COL11A1: variants seen among roughly 807,000 people sequenced by gnomAD.
COL11A1 encodes collagen alpha-1(XI) chain.
COL11A1 carries 74 observed loss-of-function variants against 265.2 expected under a neutral mutation model. The observed-to-expected ratio is 0.28, with a 90% CI of 0.23 to 0.34. COL11A1 has a LOEUF of 0.34. COL11A1 is among the 10% of genes least tolerant of loss of function. The pLI is 1.00. For missense variants in COL11A1, 2,165 were observed against 2,263.6 expected (o/e 0.96, Z 0.88); for synonymous variants, 816 against 727.6 (o/e 1.12, Z -1.96).
At chr1:103,072,489 C>T (rs1327296563) in intron 4 of COL11A1, among the ~76,000 whole-genome samples, 2 of 151,798 alleles carry the variant, frequency 1.3e-5, no homozygotes, top group Non-Finnish European at 2.9e-5. Context: ...AGTACAATTT[C>T]TATCTCCTGT....
chr1:102,996,446 T>C lies in COL11A1; in HGVS notation c.2242-404A>G, dbSNP rs571541591. On this transcript the variant is annotated intron_variant, in intron 26 of 66. Coordinates refer to ENST00000370096, the MANE Select transcript of COL11A1 (RefSeq NM_001854.4). ...TAATTTCAAATAGAAAATTATAAAT[T>C]AGTAGCATTCACTTCATCAAGAATA... is the stretch of plus-strand genomic sequence containing the variant. 2.3e-3 allele frequency among the ~76,000 whole-genome samples: 351 copies of C among 151,914 alleles called. 7 individuals carry two copies. Among genetic ancestry groups the C allele is most frequent in the Non-Finnish European group, 8.8e-5 (6 of 67,858 alleles).
chr1:103,062,985 A>G (rs1218185125), intron 4 of COL11A1, among the ~76,000 whole-genome samples: 4 of 152,022 alleles, frequency 2.6e-5, no homozygotes, highest in African/African-American at 9.7e-5. Flanking sequence ...GCACTCAAAA[A>G]AGAAATACAT....
At chr1:102,962,894 C>T in intron 38 of COL11A1, 134 bp from the exon 39 acceptor site, 1 of 776,342 alleles carries the variant, frequency 1.3e-6, no homozygotes, top group Non-Finnish European at 2.2e-6. Context: ...CTACAAAACA[C>T]TTCACATAAA....
intron 4 of COL11A1, among the ~76,000 whole-genome samples, chr1:103,038,475 A>T (rs563981287): frequency 6.6e-6 from 1 of 152,074 alleles, no homozygotes; most frequent in Non-Finnish European, 1.5e-5. Flanking sequence ...TTCTCCAAAA[A>T]GAGAGAGAGC....
intron 28 of COL11A1, among the ~76,000 whole-genome samples, chr1:102,992,971 A>T (rs187274542): frequency 4.0e-5 from 6 of 150,952 alleles, no homozygotes; most frequent in African/African-American, 1.5e-4. Flanking sequence ...AATGTATCTT[A>T]TTTTTTTTTC....
rs530059263 is a variant in COL11A1 at position 102,951,648 on chromosome 1, G to A, written c.3169-4692C>T. Among the ~76,000 whole-genome samples the A allele has an allele frequency of 2.0e-4, 31 of 152,248 alleles. No individual in the cohort carries two copies. The East Asian group carries it at 5.8e-3, about 29-fold the overall frequency. On this transcript the variant is annotated intron_variant, in intron 41 of 66. Transcript: ENST00000370096. ...CCAGCTACTCGGGAGGCTGAGGCAGGAGAATAGCGTGAATCCGGGAGGTGG... is the reference window on the plus strand; with the variant it reads ...CCAGCTACTCGGGAGGCTGAGGCAGAAGAATAGCGTGAATCCGGGAGGTGG...
chr1:103,015,330 G>A (rs1666475997), intron 12 of COL11A1, among the ~76,000 whole-genome samples: 1 of 151,640 alleles, frequency 6.6e-6, no homozygotes, highest in African/African-American at 2.4e-5. Context: ...TGACTATATA[G>A]ATAATAGATG....
chr1:103,077,684 T>C, intron 3 of COL11A1, among the ~76,000 whole-genome samples: 1 of 152,046 alleles, frequency 6.6e-6, no homozygotes, highest in East Asian at 1.9e-4. Context: ...CTGGATTCAG[T>C]GATAAAATAT....
chr1:102,935,022 T>A, intron 45 of COL11A1, 38 bp downstream of exon 45: 1 of 1,603,188 alleles, frequency 6.2e-7, no homozygotes, highest in South Asian at 1.1e-5. Flanking sequence ...CAGGGAGCTG[T>A]AAGGATTTAG....
At chr1:102,894,439 C>T (rs75130073) in intron 57 of COL11A1, among the ~76,000 whole-genome samples, 86 of 152,058 alleles carry the variant, frequency 5.7e-4, no homozygotes, top group African/African-American at 1.8e-3. Flanking sequence ...GAGGCTGAGG[C>T]GGGAGGATCA....
At chr1:102,912,076 G>T in intron 54 of COL11A1, 83 bp downstream of exon 54, 1 of 1,120,332 alleles carries the variant, frequency 8.9e-7, no homozygotes, top group Non-Finnish European at 1.3e-6. Context: ...ATAACATGCT[G>T]CCTGCAGCTT....
chr1:103,015,631 A>T, intron 12 of COL11A1, 37 bp downstream of exon 12: 11 of 1,364,908 alleles, frequency 8.1e-6, no homozygotes, highest in Non-Finnish European at 1.1e-5. Context: ...AGATGACAAG[A>T]TATCAAGTCA....
intron 28 of COL11A1, among the ~76,000 whole-genome samples, chr1:102,993,598 C>G (rs994887063): frequency 1.3e-5 from 2 of 152,086 alleles, no homozygotes; most frequent in African/African-American, 4.8e-5. Context: ...AGTACAGTAG[C>G]TTAGTCATGG....
At chr1:103,005,522 A>C (rs186157994) in intron 18 of COL11A1, among the ~76,000 whole-genome samples, 1 of 152,316 alleles carries the variant, frequency 6.6e-6, no homozygotes, top group Non-Finnish European at 1.5e-5. Flanking sequence ...GGAATTATTA[A>C]AAAATTAGAG....
In COL11A1 at chr1:102,967,227, C is replaced by CTTTTTTTTTTTTTTTTTT. The variant is rs35303945; in HGVS notation, c.2863-1705_2863-1688dup. Among the ~76,000 whole-genome samples, 43 of 52,760 alleles carry CTTTTTTTTTTTTTTTTTT rather than the reference C, an allele frequency of 8.2e-4. 16 individuals are homozygous for CTTTTTTTTTTTTTTTTTT. Among genetic ancestry groups the CTTTTTTTTTTTTTTTTTT allele is most frequent in the South Asian group, 2.2e-3 (2 of 924 alleles). The allele number at this position is 52,760 out of a possible 152,430, so 34.6% of individuals were successfully genotyped here. ...CCCACAAAACCAAACATAATAAATTCTTTTTTTTTTTTTTTTTTTTTTTTT... is the reference window on the plus strand; with the variant it reads ...CCCACAAAACCAAACATAATAAATTCTTTTTTTTTTTTTTTTTTTTTTTTTTTTTTTTTTTTTTTTTTT... On this transcript the variant is annotated intron_variant, in intron 37 of 66. Transcript: ENST00000370096.
At chr1:103,036,343 T>C (rs1400881955) in intron 4 of COL11A1, among the ~76,000 whole-genome samples, 1 of 142,220 alleles carries the variant, frequency 7.0e-6, no homozygotes, top group Non-Finnish European at 1.5e-5. Flanking sequence ...TATATATATA[T>C]ATATATATGA....
chr1:103,012,363 C>G (rs754372914), intron 14 of COL11A1, 50 bp downstream of exon 14: 1 of 1,413,020 alleles, frequency 7.1e-7, no homozygotes, highest in South Asian at 1.2e-5. Context: ...GCACAGGGAA[C>G]TGCTAATTTG....
intron 24 of COL11A1, chr1:103,001,304 T>C (rs1300879310): frequency 1.5e-5 from 6 of 396,438 alleles, no homozygotes; most frequent in Non-Finnish European, 2.7e-5. Flanking sequence ...TTTTAATTAA[T>C]ATGTTTGTAG....
chr1:103,072,213 G>A (rs1355378857), intron 4 of COL11A1, among the ~76,000 whole-genome samples: 1 of 151,800 alleles, frequency 6.6e-6, no homozygotes, highest in Non-Finnish European at 1.5e-5. Context: ...TTTGCATTTA[G>A]CTGTATAAAG....
Sources: gnomAD v4.1 joint callset for allele counts (sites outside exome capture counted in the v4.1 genomes callset) on GRCh38, gnomAD v4.1.1 for gene constraint, MANE v1.5 for transcripts, NCBI Gene and HGNC (gene_info 2026-07-23, HGNC 2026-07-21) for gene names.